Variants in ZDHHC11B observed in about 807,000 individuals in gnomAD.
The protein encoded by ZDHHC11B is zDHHC palmitoyltransferase 11B (putative), also known as probable palmitoyltransferase ZDHHC11B.
ZDHHC11B carries 17 observed loss-of-function variants against 42.3 expected under a neutral mutation model. The observed-to-expected ratio is 0.40, with a 90% CI of 0.27 to 0.60. The LOEUF (loss-of-function observed/expected upper bound fraction) is 0.60, where lower values mean the gene tolerates loss of function less well. Among genes scored for constraint, ZDHHC11B ranks in the 20% least tolerant of loss-of-function variants. ZDHHC11B has a pLI of 0.41. For synonymous variants in ZDHHC11B, 123 were observed against 193.5 expected, an observed-to-expected ratio of 0.64 and a Z score of 3.02; for missense variants, 262 against 463.2, an observed-to-expected ratio of 0.57 and a Z score of 3.99.
intron 1 of ZDHHC11B, among the ~76,000 whole-genome samples, chr5:777,574 G>C (rs1477535631): frequency 6.6e-6 from 1 of 151,954 alleles, no homozygotes; most frequent in Non-Finnish European, 1.5e-5. Flanking sequence ...CCGGCTACCC[G>C]CTTTTATTCC....
Position 766,868 on chromosome 5 carries a change from T to C in ZDHHC11B, c.52A>G (p.Asn18Asp), listed in dbSNP as rs757254178. Residue 18 changes from asparagine (N) to aspartate (D), a missense_variant, in exon 4 of 14, where the codon AAC becomes GAC. Coordinates refer to ENST00000508859, the MANE Select transcript of ZDHHC11B (RefSeq NM_001351303.2). ...QCSVTPEAIR[N>D]NEELVLPPRI... The stretch of plus-strand genomic sequence containing the variant: ...GGCGGCAAGACCAGCTCTTCATTGT[T>C]GCGTATGGCTTCTGGGGTGACGGAA... 6.2e-7 allele frequency: 1 copy of C among 1,612,714 alleles called. No homozygotes were observed. Among genetic ancestry groups the C allele is most frequent in the South Asian group, 1.1e-5 (1 of 90,928 alleles).
chr5:728,514 T>A (rs1054230278), intron 12 of ZDHHC11B, among the ~76,000 whole-genome samples: 1 of 151,892 alleles, frequency 6.6e-6, no homozygotes, highest in Non-Finnish European at 1.5e-5. Context: ...TATATGCACA[T>A]CATGAGAGGG....
chr5:769,982 T>C lies in ZDHHC11B; in HGVS notation c.-229-1052A>G, dbSNP rs1456950537. ...GCACCACAGCCCCGCGAGACGGCCG[T>C]CCACACCACTCGGTGCACATGTCCT... is the stretch of plus-strand genomic sequence containing the variant. On this transcript the variant is annotated intron_variant, in intron 1 of 13. Transcript: ENST00000508859. Among the ~76,000 whole-genome samples the C allele has an allele frequency of 3.3e-5, 5 of 151,840 alleles. 1 individual carries two copies. The highest frequency in any genetic ancestry group is 7.4e-5 in the Non-Finnish European group (5 of 67,898).
At chr5:780,444 A>G (rs1182935252) in intron 1 of ZDHHC11B, among the ~76,000 whole-genome samples, 1 of 151,226 alleles carries the variant, frequency 6.6e-6, no homozygotes, top group Non-Finnish European at 1.5e-5. Context: ...CGCAGTGTGG[A>G]CGGACCACTC....
At chr5:764,319 T>C (rs1734995572) in intron 4 of ZDHHC11B, among the ~76,000 whole-genome samples, 1 of 151,766 alleles carries the variant, frequency 6.6e-6, no homozygotes. Flanking sequence ...ACTGCTGCAC[T>C]GTGGGAGTCC....
Position 713,236 on chromosome 5 carries a change from C to T in ZDHHC11B, c.*8-954G>A, listed in dbSNP as rs530112787. ...AGTTCTTCAGCTCTAGATTCTAGTT[C>T]CCTAATTCACTTTTCAACTGTCTAT... On this transcript the variant is annotated intron_variant, in intron 13 of 13. Coordinates refer to ENST00000508859, the MANE Select transcript of ZDHHC11B (RefSeq NM_001351303.2). Among the ~76,000 whole-genome samples, 50 of 151,970 alleles carry T rather than the reference C, an allele frequency of 3.3e-4. 1 individual carries two copies. The highest frequency in any genetic ancestry group is 1.2e-3 in the African/African-American group (49 of 41,448).
At chr5:758,596 C>T (rs7705059) in intron 4 of ZDHHC11B, among the ~76,000 whole-genome samples, 2,807 of 150,928 alleles carry the variant, frequency 0.019, 123 homozygotes, top group African/African-American at 0.065. Flanking sequence ...CCGAGCCAGT[C>T]CCCAAACCTG....
chr5:780,435 G>A (rs1265125066), intron 1 of ZDHHC11B, among the ~76,000 whole-genome samples: 18 of 151,426 alleles, frequency 1.2e-4, no homozygotes, highest in Admixed American at 7.2e-4. Flanking sequence ...GCTCCTCGAC[G>A]CAGTGTGGAC....
intron 4 of ZDHHC11B, among the ~76,000 whole-genome samples, chr5:765,933 G>A (rs1477304074): frequency 6.6e-6 from 1 of 151,924 alleles, no homozygotes; most frequent in Non-Finnish European, 1.5e-5. Context: ...ACTGAGGAAG[G>A]CTCTAGTGAG....
At chr5:778,541 C>T (rs1579469866) in intron 1 of ZDHHC11B, among the ~76,000 whole-genome samples, 1 of 151,664 alleles carries the variant, frequency 6.6e-6, no homozygotes, top group African/African-American at 2.4e-5. Context: ...TCACGAGGAC[C>T]CTGCCCTGCC....
intron 8 of ZDHHC11B, among the ~76,000 whole-genome samples, 161 bp from the exon 9 acceptor site, chr5:745,459 C>T (rs1561142947): frequency 6.7e-6 from 1 of 149,764 alleles, no homozygotes; most frequent in Non-Finnish European, 1.5e-5. Flanking sequence ...AGGATGAGTG[C>T]AGATGCCTTG....
At chr5:762,418 T>A (rs1171550016) in intron 4 of ZDHHC11B, among the ~76,000 whole-genome samples, 1 of 151,866 alleles carries the variant, frequency 6.6e-6, no homozygotes, top group Non-Finnish European at 1.5e-5. Context: ...AAGCACATCC[T>A]TGGACCCCTG....
chr5:711,691 C>G lies in ZDHHC11B; in HGVS notation c.*599G>C, dbSNP rs954553297. 1 of 149,864 alleles carries G rather than the reference C, an allele frequency of 6.7e-6. No homozygotes were observed. The highest frequency in any genetic ancestry group is 1.5e-5 in the Non-Finnish European group (1 of 68,704). The allele number at this position is 149,864 out of a possible 1,614,324, so 9.3% of individuals were successfully genotyped here. On this transcript the variant is annotated 3_prime_UTR_variant, in exon 14 of 14. Coordinates refer to ENST00000508859, the MANE Select transcript of ZDHHC11B (RefSeq NM_001351303.2). ...TTTCCCAGTACTGTGCTCCTATTCC[C>G]CAGTACTCTGTGCTCCCATTTCCCA...
At chr5:725,333 C>T (rs1359848730) in intron 12 of ZDHHC11B, among the ~76,000 whole-genome samples, 4 of 143,168 alleles carry the variant, frequency 2.8e-5, no homozygotes, top group African/African-American at 5.2e-5. Context: ...TCATCAGACA[C>T]CGGATCTGCC....
intron 1 of ZDHHC11B, among the ~76,000 whole-genome samples, chr5:774,083 C>T (rs1736269541): frequency 6.6e-6 from 1 of 151,912 alleles, no homozygotes; most frequent in Non-Finnish European, 1.5e-5. Context: ...AGGACTCGGC[C>T]ACCTAGGCGG....
chr5:746,719 G>A (rs1293681968), intron 8 of ZDHHC11B, among the ~76,000 whole-genome samples: 2 of 150,504 alleles, frequency 1.3e-5, no homozygotes, highest in Admixed American at 6.7e-5. Flanking sequence ...CCCGCAGCGT[G>A]CAGGTGACCA....
At chr5:747,118 C>A (rs1744936578) in intron 8 of ZDHHC11B, among the ~76,000 whole-genome samples, 1 of 90,318 alleles carries the variant, frequency 1.1e-5, no homozygotes, top group Non-Finnish European at 2.4e-5. Context: ...TAAAAATATT[C>A]CTGATTCTAA....
chr5:717,146 G>A lies in ZDHHC11B; in HGVS notation c.1059-281C>T, dbSNP rs549443405. On this transcript the variant is annotated intron_variant, in intron 12 of 13. Transcript: ENST00000508859. Reference sequence around the variant, plus strand: ...AATAAGAGGGTCTTGTGGTAGCCAAGGAAGCTTGTTTGGATTTCCAGCATG... The same window carrying A: ...AATAAGAGGGTCTTGTGGTAGCCAAAGAAGCTTGTTTGGATTTCCAGCATG... 1.5e-4 allele frequency among the ~76,000 whole-genome samples: 22 copies of A among 151,304 alleles called. No individual in the cohort carries two copies. In the South Asian group the frequency reaches 4.6e-3, roughly 32 times the overall value.
chr5:783,228 C>T (rs1736986153), intron 1 of ZDHHC11B, among the ~76,000 whole-genome samples: 1 of 152,162 alleles, frequency 6.6e-6, no homozygotes, highest in South Asian at 2.1e-4. Context: ...TCCGGGAGCC[C>T]GCCCCTCCCC....
Sources: allele counts gnomAD v4.1 joint callset (sites outside exome capture counted in the v4.1 genomes callset), GRCh38; gene constraint gnomAD v4.1.1; transcripts MANE v1.5; gene names NCBI Gene and HGNC (gene_info 2026-07-23, HGNC 2026-07-21).